MELK: variants seen among roughly 807,000 people sequenced by gnomAD.
MELK encodes maternal embryonic leucine zipper kinase, also known as pEg3 kinase.
A neutral mutation model predicts 85.0 loss-of-function variants in MELK; 81 were observed. The ratio of observed to expected loss-of-function variants is 0.95; its 90% CI spans 0.80 to 1.15. The LOEUF (loss-of-function observed/expected upper bound fraction) is 1.15, where lower values mean the gene tolerates loss of function less well. Ranked by LOEUF, MELK falls within the 50% of genes most tolerant of loss-of-function variation. The pLI, the probability that MELK is intolerant of heterozygous loss-of-function variation, is 0.00. For missense variants in MELK, 754 were observed against 777.5 expected, an observed-to-expected ratio of 0.97 and a Z score of 0.36; for synonymous variants, 252 against 265.0, an observed-to-expected ratio of 0.95 and a Z score of 0.48.
At chr9:36,593,535 A>T (rs1823860254) in intron 4 of MELK, among the ~76,000 whole-genome samples, 1 of 152,208 alleles carries the variant, frequency 6.6e-6, no homozygotes, top group Non-Finnish European at 1.5e-5. Flanking sequence ...TGTGAGCAAT[A>T]CATTTCTGTT....
intron 10 of MELK, among the ~76,000 whole-genome samples, chr9:36,637,084 G>A (rs1002851342): frequency 4.6e-5 from 7 of 151,106 alleles, no homozygotes; most frequent in Admixed American, 6.6e-5. Flanking sequence ...CGCCTGCCTC[G>A]GCCTCCCAAA....
chr9:36,590,190 G>A (rs1823400163), intron 4 of MELK, among the ~76,000 whole-genome samples: 1 of 152,040 alleles, frequency 6.6e-6, no homozygotes, highest in Admixed American at 6.6e-5. Flanking sequence ...AGAGTGCTGG[G>A]ATTACAGACG....
At position 36,572,968 on chromosome 9, in the gene MELK, T is replaced by G. The variant is rs575107398; in HGVS notation, c.-78T>G. The G allele has an allele frequency of 1.4e-5, 2 of 143,622 alleles. No individual in the cohort carries two copies. The highest frequency in any genetic ancestry group is 6.0e-5 in the African/African-American group (2 of 33,494). 8.9% of individuals were successfully genotyped at this position (143,622 alleles called of 1,614,324 possible). A position where few individuals can be genotyped will look rare whatever the true frequency, so the allele number is the denominator to read the frequency against. ...CTCTCAGGACAGCAGGCCCCTGTCC[T>G]TCTGTCGGGCGCCGCTCAGCCGTGC... On this transcript the variant is annotated 5_prime_UTR_variant, in exon 1 of 18. Transcript: ENST00000298048.
intron 12 of MELK, among the ~76,000 whole-genome samples, chr9:36,652,603 G>A (rs1031237713): frequency 5.9e-5 from 9 of 151,630 alleles, no homozygotes; most frequent in African/African-American, 2.2e-4. Context: ...GGTGATGAGT[G>A]CCTGTAGTCC....
At chr9:36,578,635 G>C (rs1216861699) in intron 1 of MELK, among the ~76,000 whole-genome samples, 2 of 152,230 alleles carry the variant, frequency 1.3e-5, no homozygotes, top group Middle Eastern at 3.4e-3. Context: ...TATTTTAACA[G>C]CCTTGTATGG....
chr9:36,638,693 G>A (rs1327283386), intron 10 of MELK, among the ~76,000 whole-genome samples: 1 of 152,154 alleles, frequency 6.6e-6, no homozygotes, highest in African/African-American at 2.4e-5. Flanking sequence ...GTAAAATATA[G>A]GTAGAACTGT....
At chr9:36,674,102 T>C (rs1038869204) in intron 16 of MELK, among the ~76,000 whole-genome samples, 3 of 152,192 alleles carry the variant, frequency 2.0e-5, no homozygotes, top group African/African-American at 2.4e-5. Flanking sequence ...CTGAAAGATA[T>C]AGAAACTATG....
rs1169121426 is a variant in MELK, at chr9:36,662,181, C to A, written c.1177-3169C>A. ...TATTGGTTTCTATTTGATTTCTATT[C>A]TTTTAATATTTACTCTAAATTTTTA... is the stretch of plus-strand genomic sequence containing the variant. On this transcript the variant is annotated intron_variant, in intron 13 of 17. Transcript: ENST00000298048. Among the ~76,000 whole-genome samples, 3 of 147,846 alleles carry A rather than the reference C, an allele frequency of 2.0e-5. No homozygotes were observed. In the East Asian group the frequency reaches 5.9e-4, roughly 29 times the overall value.
chr9:36,585,443 A>G (rs556211588), intron 3 of MELK, among the ~76,000 whole-genome samples: 13 of 150,698 alleles, frequency 8.6e-5, no homozygotes, highest in African/African-American at 2.4e-4. Context: ...AGTAGCTGGT[A>G]CTACAGGCGT....
In MELK at chr9:36,589,650, G is replaced by C. The variant is rs1823326553; in HGVS notation, c.259G>C (p.Glu87Gln). The change falls in exon 4 of 18, where the codon GAG becomes CAG. Residue 87 changes from glutamate to glutamine, a missense_variant and splice_region_variant. By Grantham distance (29) the Glu-to-Gln change is conservative. Transcript: ENST00000298048. ...ETANKIFMVL[E>Q]YCPGGELFDY... The stretch of plus-strand genomic sequence containing the variant: ...AGCCAACAAAATATTCATGGTTCTT[G>C]AGGTTAGTAGTATGTTCCAGATACC... 3.8e-6 allele frequency: 6 copies of C among 1,594,520 alleles called. No individual in the cohort carries two copies. The highest frequency in any genetic ancestry group is 3.3e-4 in the Middle Eastern group (2 of 6,032).
At chr9:36,642,592 C>T (rs575252679) in intron 10 of MELK, among the ~76,000 whole-genome samples, 3 of 152,040 alleles carry the variant, frequency 2.0e-5, no homozygotes, top group Non-Finnish European at 4.4e-5. Flanking sequence ...CCATGCCTGG[C>T]TAATTTTTGT....
intron 7 of MELK, chr9:36,606,748 TAA>T (rs1825593272): frequency 1.4e-5 from 2 of 147,884 alleles, no homozygotes; most frequent in Admixed American, 1.4e-4. Flanking sequence ...TATACATATA[TAA>T]TATATATAAT....
intron 8 of MELK, among the ~76,000 whole-genome samples, chr9:36,617,196 T>C (rs570990564): frequency 2.0e-5 from 3 of 152,350 alleles, no homozygotes; most frequent in Middle Eastern, 3.4e-3. Flanking sequence ...AACAGTAGCA[T>C]AATAATGCCA....
intron 14 of MELK, among the ~76,000 whole-genome samples, chr9:36,667,435 C>T (rs931308181): frequency 3.3e-5 from 5 of 152,152 alleles, no homozygotes; most frequent in South Asian, 2.1e-4. Flanking sequence ...GGATTATAGG[C>T]GTGGGCCATT....
intron 3 of MELK, among the ~76,000 whole-genome samples, chr9:36,584,622 C>T (rs748253141): frequency 2.0e-5 from 3 of 151,572 alleles, no homozygotes; most frequent in East Asian, 3.9e-4. Context: ...CGTGAGGCAC[C>T]GCGCCCGGCC....
intron 8 of MELK, among the ~76,000 whole-genome samples, chr9:36,613,691 G>T (rs1826262609): frequency 6.6e-6 from 1 of 152,258 alleles, no homozygotes; most frequent in East Asian, 1.9e-4. Context: ...GTGTCAAGTG[G>T]ATATCTAGGA....
rs1336970143 is a variant in MELK at position 36,615,290 on chromosome 9, G to T, written c.666+7617G>T. Among the ~76,000 whole-genome samples, 17 of 127,432 alleles carry T rather than the reference G, an allele frequency of 1.3e-4. No homozygotes were observed. In the East Asian group the frequency reaches 3.5e-3, roughly 26 times the overall value. 83.6% of individuals were successfully genotyped at this position (127,432 alleles called of 152,430 possible). ...TCCCAGACGGCACGGCTGGCCAGGC[G>T]GGGGGCTGATCCCCCCACCTCCCTC... On this transcript the variant is annotated intron_variant, in intron 8 of 17. Transcript: ENST00000298048.
Position 36,677,174 on chromosome 9 carries a change from G to A in MELK, c.1793G>A (p.Cys598Tyr). ...GTTTTTCACAGTTATACACTGAAGT[G>A]TCAAACACAGTCAGATTTTGGGAAA... ...DFVQKGYTLK[C>Y]QTQSDFGKVT... Residue 598 changes from cysteine (C) to tyrosine (Y), a missense_variant, in exon 18 of 18, where the codon TGT becomes TAT. Coordinates refer to ENST00000298048, the MANE Select transcript of MELK (RefSeq NM_014791.4). The A allele has an allele frequency of 1.2e-6, 2 of 1,613,766 alleles. No homozygotes were observed. The highest frequency in any genetic ancestry group is 1.7e-6 in the Non-Finnish European group (2 of 1,179,772).
rs189339169 is a variant in MELK, at chr9:36,642,713, A to G, written c.835-284A>G. 5.1e-3 allele frequency among the ~76,000 whole-genome samples: 773 copies of G among 152,116 alleles called. 3 individuals are homozygous for G. Among genetic ancestry groups the G allele is most frequent in the Non-Finnish European group, 6.4e-3 (435 of 67,986 alleles). On this transcript the variant is annotated intron_variant, in intron 10 of 17. Coordinates refer to ENST00000298048, the MANE Select transcript of MELK (RefSeq NM_014791.4). ...CAAAATGCTAGAATTACAGGTGTGA[A>G]CTATTGTGCCCGGCATTGTACAACC...
Sources: gnomAD v4.1 joint callset for allele counts (sites outside exome capture counted in the v4.1 genomes callset) on GRCh38, gnomAD v4.1.1 for gene constraint, MANE v1.5 for transcripts, NCBI Gene and HGNC (gene_info 2026-07-23, HGNC 2026-07-21) for gene names.